The following SLC8A1 variants were observed in gnomAD, a reference collection of about 807,000 sequenced individuals.
The protein encoded by SLC8A1 is solute carrier family 8 member A1.
SLC8A1 carries 18 observed loss-of-function variants against 68.3 expected under a neutral mutation model. The ratio of observed to expected loss-of-function variants is 0.26; its 90% CI spans 0.18 to 0.39. The LOEUF (loss-of-function observed/expected upper bound fraction) is 0.39. Among genes scored for constraint, SLC8A1 ranks in the 10% least tolerant of loss-of-function variants. The probability of loss-of-function intolerance (pLI) is 1.00; values close to 1 mark genes in which losing one functional copy is unlikely to be tolerated. For synonymous variants in SLC8A1, 475 were observed against 415.5 expected, an observed-to-expected ratio of 1.14 and a Z score of -1.74; for missense variants, 985 against 1,156.7, an observed-to-expected ratio of 0.85 and a Z score of 2.15.
At chr2:40,252,392 G>T (rs2062900485) in intron 2 of SLC8A1, among the ~76,000 whole-genome samples, 1 of 152,106 alleles carries the variant, frequency 6.6e-6, no homozygotes, top group South Asian at 2.1e-4. Context: ...GAGTGCAGTG[G>T]CATGATCTCG....
At chr2:40,100,340 T>G (rs779148594) in exon 8 of SLC8A1, 4 of 152,074 alleles carry the variant, frequency 2.6e-5, no homozygotes, top group Non-Finnish European at 4.4e-5. Context: ...AAGTCCCCAC[T>G]GTAATTTAGC....
chr2:40,365,530 C>T (rs553108633), intron 2 of SLC8A1, among the ~76,000 whole-genome samples: 2 of 152,194 alleles, frequency 1.3e-5, no homozygotes, highest in South Asian at 4.1e-4. Flanking sequence ...GCTCAAGAAT[C>T]ACTACGGTTG....
chr2:40,502,456 T>C (rs1183065315), intron 1 of SLC8A1, among the ~76,000 whole-genome samples: 2 of 152,076 alleles, frequency 1.3e-5, no homozygotes, highest in Non-Finnish European at 2.9e-5. Flanking sequence ...GTTTGAAAGA[T>C]AGTAGATGTG....
At chr2:40,447,336 T>G (rs1701628827) in intron 1 of SLC8A1, among the ~76,000 whole-genome samples, 1 of 152,158 alleles carries the variant, frequency 6.6e-6, no homozygotes, top group South Asian at 2.1e-4. Context: ...AAATTTGTAT[T>G]ACCCTTGTTG....
intron 2 of SLC8A1, among the ~76,000 whole-genome samples, chr2:40,412,226 C>T (rs968154232): frequency 2.0e-5 from 3 of 152,006 alleles, no homozygotes; most frequent in Non-Finnish European, 4.4e-5. Flanking sequence ...CATGCAACTG[C>T]GACCATGTCT....
At chr2:40,324,417 G>A (rs1346272532) in intron 2 of SLC8A1, among the ~76,000 whole-genome samples, 1 of 152,118 alleles carries the variant, frequency 6.6e-6, no homozygotes, top group Non-Finnish European at 1.5e-5. Context: ...AACATGGCAA[G>A]ATTATTTAAA....
At chr2:40,223,515 A>T (rs2058608537) in intron 2 of SLC8A1, 2 of 152,066 alleles carry the variant, frequency 1.3e-5, no homozygotes, top group African/African-American at 2.4e-5. Flanking sequence ...TAAAGTATAT[A>T]TTAAAAAAAA....
intron 2 of SLC8A1, among the ~76,000 whole-genome samples, chr2:40,179,697 T>C (rs2049099884): frequency 6.6e-6 from 1 of 152,224 alleles, no homozygotes; most frequent in Admixed American, 6.5e-5. Context: ...TTTTTAGGTC[T>C]TCTGGAAGGA....
intron 1 of SLC8A1, among the ~76,000 whole-genome samples, chr2:40,445,802 C>T (rs1701330472): frequency 6.6e-6 from 1 of 152,132 alleles, no homozygotes; most frequent in Non-Finnish European, 1.5e-5. Flanking sequence ...GGTCCATATC[C>T]CCCAACATTT....
chr2:40,268,587 C>T (rs979482326), intron 2 of SLC8A1, among the ~76,000 whole-genome samples: 2 of 152,148 alleles, frequency 1.3e-5, no homozygotes, highest in Non-Finnish European at 2.9e-5. Context: ...AAAAGTGTTC[C>T]CTTTAGGACC....
At chr2:40,400,443 T>C (rs1302084721) in intron 2 of SLC8A1, among the ~76,000 whole-genome samples, 3 of 152,172 alleles carry the variant, frequency 2.0e-5, no homozygotes, top group Non-Finnish European at 4.4e-5. Flanking sequence ...AGCTGTGTAG[T>C]CAAAATGTTC....
chr2:40,390,089 A>T (rs1011887994), intron 2 of SLC8A1, among the ~76,000 whole-genome samples: 1 of 152,052 alleles, frequency 6.6e-6, no homozygotes, highest in Non-Finnish European at 1.5e-5. Context: ...TTATTAGGCA[A>T]TTGTAATGGA....
chr2:40,473,544 T>C (rs1170119782), intron 1 of SLC8A1, among the ~76,000 whole-genome samples: 1 of 152,242 alleles, frequency 6.6e-6, no homozygotes, highest in East Asian at 1.9e-4. Flanking sequence ...ACAAACATTT[T>C]ACATGTTTTG....
chr2:40,235,979 T>C (rs1011359838), intron 2 of SLC8A1, among the ~76,000 whole-genome samples: 86 of 151,548 alleles, frequency 5.7e-4, no homozygotes, highest in African/African-American at 2.1e-3. Flanking sequence ...TTGTTATAAT[T>C]TCTGTTCTTT....
chr2:40,432,188 T>C (rs1039307642), intron 1 of SLC8A1, among the ~76,000 whole-genome samples: 3 of 151,994 alleles, frequency 2.0e-5, no homozygotes, highest in African/African-American at 7.2e-5. Context: ...TCATCCACAA[T>C]ATTTATGCAT....
chr2:40,390,843 A>C (rs1192698663), intron 2 of SLC8A1, among the ~76,000 whole-genome samples: 2 of 152,066 alleles, frequency 1.3e-5, no homozygotes, highest in Non-Finnish European at 2.9e-5. Flanking sequence ...AATTTTTTTA[A>C]AAGATCTGTG....
chr2:40,255,001 TATTTCTTC>T (rs773334797), intron 2 of SLC8A1: 21 of 151,264 alleles, frequency 1.4e-4, no homozygotes, highest in African/African-American at 3.6e-4. Context: ...TTTATTTCTC[TATTTCTTC>T]ATTTCTTCCT....
chr2:40,182,172 T>C (rs1334653500), intron 2 of SLC8A1, among the ~76,000 whole-genome samples: 3 of 152,216 alleles, frequency 2.0e-5, no homozygotes, highest in Non-Finnish European at 4.4e-5. Context: ...TTTCTTTAAA[T>C]AGACAGGTTA....
chr2:40,414,544 T>C (rs183766315), intron 2 of SLC8A1, among the ~76,000 whole-genome samples: 5 of 152,340 alleles, frequency 3.3e-5, no homozygotes, highest in Non-Finnish European at 7.3e-5. Context: ...TTCCTTGTGC[T>C]AAATTCTTCA....
Sources: gnomAD v4.1 joint callset for allele counts (sites outside exome capture counted in the v4.1 genomes callset) on GRCh38, gnomAD v4.1.1 for gene constraint, MANE v1.5 for transcripts, NCBI Gene and HGNC (gene_info 2026-07-23, HGNC 2026-07-21) for gene names.